The following GLIS2 variants were observed in gnomAD, a reference collection of about 807,000 sequenced individuals.
GLIS2 encodes the protein zinc finger protein GLIS2.
Under a neutral mutation model 35.6 loss-of-function variants are expected in GLIS2, and 14 were observed. The ratio of observed to expected loss-of-function variants is 0.39; its 90% CI spans 0.26 to 0.61. The LOEUF (loss-of-function observed/expected upper bound fraction) is 0.61. Ranked by LOEUF, GLIS2 falls within the 20% of genes least tolerant of loss-of-function variation. The pLI is 0.48. For synonymous variants in GLIS2, 368 were observed against 325.1 expected (o/e 1.13, Z -1.42); for missense variants, 675 against 713.4 (o/e 0.95, Z 0.61).
At chr16:4,328,060 G>A (rs1402911068) in intron 1 of GLIS2, among the ~76,000 whole-genome samples, 2 of 152,254 alleles carry the variant, frequency 1.3e-5, no homozygotes, top group Non-Finnish European at 2.9e-5. Context: ...CCACCAGGAG[G>A]CGCAGAGGGG....
At position 4,322,770 on chromosome 16, in the gene GLIS2, A is replaced by T. The variant is rs553476990; in HGVS notation, c.-67+6516A>T. Among the ~76,000 whole-genome samples, 11 of 152,130 alleles carry T rather than the reference A, an allele frequency of 7.2e-5. No individual in the cohort carries two copies. The East Asian group carries it at 1.9e-3, about 27-fold the overall frequency. On this transcript the variant is annotated intron_variant, in intron 1 of 6. Transcript: ENST00000433375. ...CAGGCCAAGGTCCACCGCCCGCCTTACCCACTCCTGCTCTCGGAGTTGGCG... is the reference window on the plus strand; with the variant it reads ...CAGGCCAAGGTCCACCGCCCGCCTTTCCCACTCCTGCTCTCGGAGTTGGCG...
chr16:4,328,490 G>A (rs1198653604), intron 1 of GLIS2: 1 of 152,516 alleles, frequency 6.6e-6, no homozygotes, highest in African/African-American at 2.4e-5. Flanking sequence ...TCTGGGGTGG[G>A]GCCTCCATTG....
chr16:4,316,080 G>A lies in GLIS2; in HGVS notation c.-241G>A, dbSNP rs2053307130. On this transcript the variant is annotated 5_prime_UTR_variant, in exon 1 of 7. Coordinates refer to ENST00000433375, the MANE Select transcript of GLIS2 (RefSeq NM_032575.3). ...GCCGCCGCGGCCACCTTCCCTGCCC[G>A]AGCTGCAGATGTGGCGGAGCGGCCG... Among the ~76,000 whole-genome samples the A allele has an allele frequency of 8.2e-6, 1 of 121,974 alleles. No individual in the cohort carries two copies. Among genetic ancestry groups the A allele is most frequent in the Non-Finnish European group, 1.7e-5 (1 of 60,500 alleles). The allele number at this position is 121,974 out of a possible 152,430, so 80.0% of individuals were successfully genotyped here.
chr16:4,336,436 C>T (rs556095157), intron 6 of GLIS2: 12 of 582,552 alleles, frequency 2.1e-5, no homozygotes, highest in African/African-American at 7.4e-5. Flanking sequence ...CGTGAGCCAC[C>T]GGGCCCGGCC....
chr16:4,321,584 T>A (rs1441469384), intron 1 of GLIS2, among the ~76,000 whole-genome samples: 1 of 152,116 alleles, frequency 6.6e-6, no homozygotes, highest in Non-Finnish European at 1.5e-5. Context: ...CTCCTGTGGA[T>A]GGGGAAACCC....
At position 4,339,174 on chromosome 16, in the gene GLIS2, G is replaced by C. The variant is rs1596245253; in HGVS notation, c.*1650G>C. 1 of 152,428 alleles carries C rather than the reference G, an allele frequency of 6.6e-6. No individual in the cohort carries two copies. Among genetic ancestry groups the C allele is most frequent in the Admixed American group, 6.5e-5 (1 of 15,308 alleles). The allele number at this position is 152,428 out of a possible 1,614,324, so 9.4% of individuals were successfully genotyped here. ...GCTCTGCCCCTCGAAGGGGCTATGA[G>C]CAAGGTAGGAGGGAGCTGGTCTCCT... On this transcript the variant is annotated 3_prime_UTR_variant, in exon 7 of 7. Transcript: ENST00000433375.
At position 4,333,395 on chromosome 16, in the gene GLIS2, C is replaced by T. The variant is rs909693677; in HGVS notation, c.221C>T (p.Ser74Leu). The T allele has an allele frequency of 2.5e-6, 4 of 1,612,998 alleles. No individual in the cohort carries two copies. The African/African-American group carries it at 5.3e-5, about 22-fold the overall frequency. ...KFPEKVEGRF[S>L]AAPLVDLSLS... ...CCCGAGAAGGTGGAGGGACGCTTTT[C>T]AGCAGCCCCTCTCGTGGACCTCAGC... Residue 74 changes from serine (S) to leucine (L), a missense_variant, in exon 3 of 7, where the codon TCA becomes TTA. This residue lies in a region of GLIS2 where 225 missense variants were observed against 238.7 expected (regional missense o/e 0.94). Coordinates refer to ENST00000433375, the MANE Select transcript of GLIS2 (RefSeq NM_032575.3).
Position 4,337,066 on chromosome 16 carries a change from CCCCTGG to C in GLIS2, c.1121_1126del (p.Leu374_Ala375del), listed in dbSNP as rs2053561704. 6.5e-7 allele frequency: 1 copy of C among 1,545,230 alleles called. No homozygotes were observed. The highest frequency in any genetic ancestry group is 1.4e-5 in the African/African-American group (1 of 73,208). ...CCCTGGCCTGCCCGGCTTACCCCTA[CCCCTGG>C]CCCCCGGCCCCCTTGACCTCAGTGC... On this transcript the variant is annotated inframe_deletion, in exon 7 of 7. Transcript: ENST00000433375.
At chr16:4,334,754 G>C (rs752508986) in intron 3 of GLIS2, 47 bp from the exon 4 acceptor site, 1 of 1,609,756 alleles carries the variant, frequency 6.2e-7, no homozygotes, top group Non-Finnish European at 8.5e-7. Context: ...TGGGACGGGG[G>C]GCTCTGGGCC....
intron 1 of GLIS2, among the ~76,000 whole-genome samples, chr16:4,324,333 A>G (rs1424723702): frequency 1.3e-5 from 2 of 152,126 alleles, no homozygotes; most frequent in Admixed American, 1.3e-4. Flanking sequence ...CAGTCCTGGG[A>G]GGAGGCCTGT....
In GLIS2 at chr16:4,332,557, C is replaced by G; in HGVS notation, c.172+105C>G. 2.2e-6 allele frequency: 3 copies of G among 1,355,954 alleles called. No individual in the cohort carries two copies. The highest frequency in any genetic ancestry group is 1.4e-5 in the African/African-American group (1 of 69,772). The allele number at this position is 1,355,954 out of a possible 1,614,324, so 84.0% of individuals were successfully genotyped here. A position where few individuals can be genotyped will look rare whatever the true frequency, so the allele number is the denominator to read the frequency against. ...AGCATGTAGCTGCAGCCCCTCTCGG[C>G]TTCCGGTTCATGGGAAGCCCGCACG... On this transcript the variant is annotated intron_variant, in intron 2 of 6. Coordinates refer to ENST00000433375, the MANE Select transcript of GLIS2 (RefSeq NM_032575.3). The surrounding 1 kb of genome is among the most constrained non-coding windows in gnomAD (Gnocchi z 5.4).
chr16:4,328,940 A>G, intron 1 of GLIS2, among the ~76,000 whole-genome samples: 1 of 120,490 alleles, frequency 8.3e-6, no homozygotes, highest in South Asian at 2.9e-4. Flanking sequence ...CAGTTCCCAA[A>G]CCATCCTGCC....
chr16:4,336,216 G>C lies in GLIS2; in HGVS notation c.776-509G>C. On this transcript the variant is annotated intron_variant, in intron 6 of 6. Coordinates refer to ENST00000433375, the MANE Select transcript of GLIS2 (RefSeq NM_032575.3). ...GGCTGGAGTGCAGTGGCATGATCTTGGCCCACTGCAACCTCTGCCTCCCAG... is the reference window on the plus strand; with the variant it reads ...GGCTGGAGTGCAGTGGCATGATCTTCGCCCACTGCAACCTCTGCCTCCCAG... 8 of 266,600 alleles carry C rather than the reference G, an allele frequency of 3.0e-5. No homozygotes were observed. In the South Asian group the frequency reaches 3.5e-4, roughly 12 times the overall value. 16.5% of individuals were successfully genotyped at this position (266,600 alleles called of 1,614,324 possible).
rs769944123 is a variant in GLIS2 at position 4,335,219 on chromosome 16, G to A, written c.656+26G>A. 14 of 1,613,608 alleles carry A rather than the reference G, an allele frequency of 8.7e-6. No homozygotes were observed. The highest frequency in any genetic ancestry group is 1.2e-5 in the Non-Finnish European group (14 of 1,180,022). On this transcript the variant is annotated intron_variant, in intron 5 of 6. Transcript: ENST00000433375. This position sits in a 1 kb window ranked among gnomAD's most constrained non-coding sequence, Gnocchi z 4.6. ...GTGAGGTGGGGGAGAGAGGGGTAGA[G>A]GGAGGACTGGGGTCTCCAGTGAGCT...
chr16:4,316,725 T>C (rs569540619), intron 1 of GLIS2, among the ~76,000 whole-genome samples: 39 of 152,180 alleles, frequency 2.6e-4, no homozygotes, highest in African/African-American at 9.1e-4. Flanking sequence ...CGGGAGAGTC[T>C]CCCTCCTGCT....
At chr16:4,316,603 G>C (rs1420198766) in intron 1 of GLIS2, among the ~76,000 whole-genome samples, 4 of 152,024 alleles carry the variant, frequency 2.6e-5, no homozygotes, top group African/African-American at 9.6e-5. Flanking sequence ...GGCGAGGTGA[G>C]AGGGGGGTAC....
intron 1 of GLIS2, among the ~76,000 whole-genome samples, chr16:4,331,152 T>TG (rs2053492772): frequency 6.6e-6 from 1 of 151,976 alleles, no homozygotes; most frequent in Non-Finnish European, 1.5e-5. Context: ...AATTTTTTTT[T>TG]TTGTTATTTA....
intron 1 of GLIS2, among the ~76,000 whole-genome samples, 45 bp downstream of exon 1, chr16:4,316,299 C>CGGGG (rs1293109635): frequency 1.9e-5 from 1 of 53,018 alleles, no homozygotes; most frequent in African/African-American, 5.4e-5. Context: ...CGGGCCGGGG[C>CGGGG]GGGGGGGGGG....
chr16:4,324,291 G>A (rs1199159377), intron 1 of GLIS2, among the ~76,000 whole-genome samples: 1 of 152,106 alleles, frequency 6.6e-6, no homozygotes, highest in Non-Finnish European at 1.5e-5. Context: ...GGGATCTGCT[G>A]GGCCAGGCCT....
Sources: allele counts gnomAD v4.1 joint callset (sites outside exome capture counted in the v4.1 genomes callset), GRCh38; gene constraint gnomAD v4.1.1; regional missense constraint gnomAD v4.1.1; non-coding constraint Gnocchi (gnomAD v3.1); transcripts MANE v1.5; gene names NCBI Gene and HGNC (gene_info 2026-07-23, HGNC 2026-07-21).